Variants in BLTP3B observed in about 807,000 individuals in gnomAD.
BLTP3B encodes bridge-like lipid transfer protein family member 3B, also known as UHRF1 (ICBP90) binding protein 1-like.
the BLTP3B span, among the ~76,000 whole-genome samples, chr12:100,114,906 T>TC: frequency 6.6e-6 from 1 of 152,206 alleles, no homozygotes; most frequent in Admixed American, 6.5e-5. Flanking sequence ...CAGGTGTACC[T>TC]CTTTTAATAC....
chr12:100,098,609 T>G, the BLTP3B span: 2 of 1,467,010 alleles, frequency 1.4e-6, no homozygotes, highest in South Asian at 1.4e-5. Flanking sequence ...TATTAATATT[T>G]GCACATTTCT....
chr12:100,052,290 G>A, the BLTP3B span, among the ~76,000 whole-genome samples: 21 of 151,952 alleles, frequency 1.4e-4, no homozygotes, highest in Non-Finnish European at 2.6e-4. Context: ...TGATCTGCCT[G>A]CCTTGGCCTC....
chr12:100,064,131 T>C, the BLTP3B span, among the ~76,000 whole-genome samples: 1 of 152,042 alleles, frequency 6.6e-6, no homozygotes, highest in Non-Finnish European at 1.5e-5. Context: ...CTCATAGAAA[T>C]GCGAAATGCT....
the BLTP3B span, among the ~76,000 whole-genome samples, chr12:100,081,159 T>C: frequency 0.057 from 8,684 of 152,224 alleles, 822 homozygotes; most frequent in African/African-American, 0.2. Flanking sequence ...TAAACCTCTT[T>C]CTTTTGTAAA....
the BLTP3B span, chr12:100,037,880 C>T: frequency 1.9e-5 from 15 of 803,596 alleles, no homozygotes; most frequent in Non-Finnish European, 2.6e-5. Flanking sequence ...TGAGAGTGCA[C>T]TTAAGCTGAA....
chr12:100,111,133 A>G, the BLTP3B span, among the ~76,000 whole-genome samples: 5 of 152,152 alleles, frequency 3.3e-5, no homozygotes, highest in South Asian at 1.0e-3. Context: ...ATATCAAGTA[A>G]TATATGTTGC....
the BLTP3B span, chr12:100,058,277 C>A: frequency 5.6e-6 from 9 of 1,613,692 alleles, no homozygotes; most frequent in Non-Finnish European, 7.6e-6. Context: ...AAAATGAATC[C>A]TTTTTGTCAC....
chr12:100,069,330 T>C, the BLTP3B span, among the ~76,000 whole-genome samples: 3 of 152,156 alleles, frequency 2.0e-5, no homozygotes, highest in Admixed American at 6.5e-5. Flanking sequence ...CACACGTTTA[T>C]AGCAGCAAAA....
the BLTP3B span, among the ~76,000 whole-genome samples, chr12:100,043,573 T>C: frequency 3.3e-5 from 5 of 152,248 alleles, no homozygotes; most frequent in African/African-American, 9.6e-5. Context: ...TTCTTGTTCA[T>C]GTTTATCCCA....
chr12:100,095,049 T>C, the BLTP3B span, among the ~76,000 whole-genome samples: 137 of 152,348 alleles, frequency 9.0e-4, no homozygotes, highest in African/African-American at 3.1e-3. Flanking sequence ...ATTTAAAATA[T>C]TATCCATTAT....
At chr12:100,049,607 C>T in the BLTP3B span, among the ~76,000 whole-genome samples, 2 of 151,956 alleles carry the variant, frequency 1.3e-5, no homozygotes, top group Non-Finnish European at 2.9e-5. Flanking sequence ...ATTAACATTC[C>T]AGAAAATAAT....
the BLTP3B span, among the ~76,000 whole-genome samples, chr12:100,086,690 C>A: frequency 6.6e-6 from 1 of 152,156 alleles, no homozygotes; most frequent in Non-Finnish European, 1.5e-5. Context: ...GGTAAACTTA[C>A]TCATTTGGTT....
chr12:100,086,491 G>T, the BLTP3B span: 5 of 594,698 alleles, frequency 8.4e-6, no homozygotes, highest in African/African-American at 1.9e-5. Flanking sequence ...GCACATTAAG[G>T]ATTTTAGGAA....
chr12:100,142,820 G>T, the BLTP3B span: 4 of 755,502 alleles, frequency 5.3e-6, no homozygotes, highest in Admixed American at 3.5e-5. Context: ...ATCACGCTCA[G>T]GCCGCCACGG....
chr12:100,047,929 AT>A, the BLTP3B span: 1 of 1,445,518 alleles, frequency 6.9e-7, no homozygotes, highest in African/African-American at 1.4e-5. Context: ...ATATAAAATT[AT>A]TTATTAACAT....
the BLTP3B span, chr12:100,098,608 T>G: frequency 6.8e-7 from 1 of 1,477,460 alleles, no homozygotes. Context: ...CTATTAATAT[T>G]TGCACATTTC....
the BLTP3B span, among the ~76,000 whole-genome samples, chr12:100,062,107 G>C: frequency 2.3e-3 from 351 of 152,286 alleles, 7 homozygotes; most frequent in East Asian, 0.04. Flanking sequence ...TCTACAAAGA[G>C]AGCAGTCTCA....
the BLTP3B span, among the ~76,000 whole-genome samples, chr12:100,133,617 T>C: frequency 6.6e-6 from 1 of 152,214 alleles, no homozygotes; most frequent in Non-Finnish European, 1.5e-5. Context: ...CTGTGAGACC[T>C]TGGACAAGTC....
the BLTP3B span, among the ~76,000 whole-genome samples, chr12:100,104,526 CTTTTTT>C: frequency 6.8e-6 from 1 of 146,580 alleles, no homozygotes; most frequent in Admixed American, 6.9e-5. Context: ...TTTTAAGTAT[CTTTTTT>C]TTTTTAACAA....
Sources: gnomAD v4.1 joint callset for allele counts (sites outside exome capture counted in the v4.1 genomes callset) on GRCh38, gnomAD v4.1.1 for gene constraint, MANE v1.5 for transcripts, NCBI Gene and HGNC (gene_info 2026-07-23, HGNC 2026-07-21) for gene names.